NOS1: variants seen among roughly 807,000 people sequenced by gnomAD.
NOS1 encodes the protein nitric oxide synthase 1.
NOS1 carries 51 observed loss-of-function variants against 164.5 expected under a neutral mutation model. The ratio of observed to expected loss-of-function variants is 0.31; its 90% CI spans 0.25 to 0.39. NOS1 has a LOEUF of 0.39. NOS1 is among the 10% of genes least tolerant of loss of function. NOS1 has a pLI of 1.00. For synonymous variants in NOS1, 719 were observed against 745.8 expected, an observed-to-expected ratio of 0.96 and a Z score of 0.59; for missense variants, 1,362 against 1,885.6, an observed-to-expected ratio of 0.72 and a Z score of 5.14.
intron 17 of NOS1, among the ~76,000 whole-genome samples, 168 bp downstream of exon 17, chr12:117,253,470 T>C (rs1871234547): frequency 6.6e-6 from 1 of 151,874 alleles, no homozygotes; most frequent in African/African-American, 2.4e-5. Context: ...GACCAGGCAA[T>C]GTGACTTAAT....
intron 22 of NOS1, among the ~76,000 whole-genome samples, chr12:117,229,562 TTCTATCTATCTATCTATCTATCTA>T (rs58234141): frequency 1.7e-4 from 25 of 149,402 alleles, no homozygotes; most frequent in African/African-American, 5.5e-4. Flanking sequence ...TATCAAATTC[TTCTATCTATCTATCTATCTATCTA>T]TCTATCTATC....
At chr12:117,351,411 G>T (rs1414632995) in intron 1 of NOS1, among the ~76,000 whole-genome samples, 3 of 152,158 alleles carry the variant, frequency 2.0e-5, no homozygotes, top group South Asian at 2.1e-4. Flanking sequence ...TGCTGCCCTG[G>T]TTGCTAGTCC....
rs201418346 is a variant in NOS1, at chr12:117,231,944, C to A, written c.3405+18G>T. The A allele has an allele frequency of 6.2e-6, 10 of 1,605,410 alleles. No homozygotes were observed. In the South Asian group the frequency reaches 1.0e-4, roughly 16 times the overall value. On this transcript the variant is annotated intron_variant, in intron 22 of 28. Coordinates refer to ENST00000317775, the MANE Select transcript of NOS1 (RefSeq NM_000620.5). ...GTGAAATGCGCCCCCTAGGGTTGTG[C>A]GAAGCCTGGGGACCCACCTTGCTGA... is the stretch of plus-strand genomic sequence containing the variant.
chr12:117,333,638 G>C (rs542752207), intron 1 of NOS1, among the ~76,000 whole-genome samples: 1 of 152,156 alleles, frequency 6.6e-6, no homozygotes. Flanking sequence ...ATGAATCCCC[G>C]GGCTCAGCCT....
chr12:117,293,352 G>T (rs541178221), intron 3 of NOS1, among the ~76,000 whole-genome samples: 1 of 152,056 alleles, frequency 6.6e-6, no homozygotes, highest in Non-Finnish European at 1.5e-5. Flanking sequence ...GACAAGCCAC[G>T]GGTGGGAGCT....
intron 14 of NOS1, 89 bp from the exon 15 acceptor site, chr12:117,259,219 G>A (rs1432512803): frequency 2.4e-6 from 2 of 837,920 alleles, no homozygotes; most frequent in South Asian, 1.6e-5. Flanking sequence ...AGTGATGGGG[G>A]AAGGGCAAGA....
In NOS1 at chr12:117,247,577, G is replaced by A. The variant is rs1566038234; in HGVS notation, c.2649-55C>T. On this transcript the variant is annotated intron_variant, in intron 17 of 28. Coordinates refer to ENST00000317775, the MANE Select transcript of NOS1 (RefSeq NM_000620.5). Reference sequence around the variant, plus strand: ...TAAGGGACTGTGGGGAATGTGGGGAGTGTCTGGTGTAATGGGCTAAACTGT... The same window carrying A: ...TAAGGGACTGTGGGGAATGTGGGGAATGTCTGGTGTAATGGGCTAAACTGT... The A allele has an allele frequency of 4.0e-6, 6 of 1,509,958 alleles. No homozygotes were observed. In the Admixed American group the frequency reaches 8.1e-5, roughly 20 times the overall value. 93.5% of individuals were successfully genotyped at this position (1,509,958 alleles called of 1,614,324 possible).
intron 10 of NOS1, among the ~76,000 whole-genome samples, chr12:117,269,460 ATTTGTTTTTTT>A (rs1045710330): frequency 9.1e-6 from 1 of 110,048 alleles, no homozygotes; most frequent in Non-Finnish European, 1.7e-5. Context: ...ATCTCTGGAG[ATTTGTTTTTTT>A]TTTTTTTTTT....
intron 16 of NOS1, chr12:117,255,881 G>T: frequency 9.3e-7 from 1 of 1,079,060 alleles, no homozygotes; most frequent in Non-Finnish European, 1.3e-6. Context: ...CTCAGGCATT[G>T]GGTGTGCATG....
rs60147700 is a variant in NOS1, at chr12:117,291,680, C to T, written c.853-1254G>A. 6.6e-3 allele frequency among the ~76,000 whole-genome samples: 1,010 copies of T among 151,978 alleles called. 69 individuals carry two copies. In the East Asian group the frequency reaches 0.17, roughly 25 times the overall value. The stretch of plus-strand genomic sequence containing the variant: ...TCCCAAGTAGCTGGGACTACAGGTG[C>T]GTGTCACCATGCCCAGCTAATTTCT... On this transcript the variant is annotated intron_variant, in intron 3 of 28. Transcript: ENST00000317775.
intron 3 of NOS1, among the ~76,000 whole-genome samples, chr12:117,297,452 T>TGC (rs1457940766): frequency 6.6e-6 from 1 of 151,854 alleles, no homozygotes; most frequent in Non-Finnish European, 1.5e-5. Context: ...AGTGCAATGG[T>TGC]GCGATCTCAG....
At chr12:117,262,653 T>C (rs1336006045) in intron 13 of NOS1, among the ~76,000 whole-genome samples, 2 of 152,152 alleles carry the variant, frequency 1.3e-5, no homozygotes, top group Admixed American at 1.3e-4. Flanking sequence ...GTACAACTAG[T>C]TATCATACAT....
At chr12:117,278,843 CAT>C (rs1302411949) in intron 8 of NOS1, among the ~76,000 whole-genome samples, 2 of 149,050 alleles carry the variant, frequency 1.3e-5, no homozygotes, top group Admixed American at 1.3e-4. Context: ...ATATTACTAT[CAT>C]ATATTCTAAT....
chr12:117,280,570 T>C (rs1344494270), intron 8 of NOS1, among the ~76,000 whole-genome samples, 155 bp downstream of exon 8: 2 of 152,146 alleles, frequency 1.3e-5, no homozygotes, highest in Non-Finnish European at 2.9e-5. Flanking sequence ...AAGAATTAGA[T>C]TGGGGAACAG....
chr12:117,326,390 A>AC (rs1432629660), intron 2 of NOS1, among the ~76,000 whole-genome samples: 12 of 140,208 alleles, frequency 8.6e-5, no homozygotes, highest in African/African-American at 3.5e-4. Flanking sequence ...TGTCTCAAAA[A>AC]AAAAAAAAAA....
intron 13 of NOS1, among the ~76,000 whole-genome samples, 165 bp from the exon 14 acceptor site, chr12:117,260,774 T>C (rs1055831449): frequency 2.6e-5 from 4 of 152,214 alleles, no homozygotes; most frequent in Non-Finnish European, 5.9e-5. Flanking sequence ...TTGAAGTCTT[T>C]GTGTTTAAGC....
At chr12:117,345,045 T>C (rs1342661804) in intron 1 of NOS1, among the ~76,000 whole-genome samples, 4 of 150,936 alleles carry the variant, frequency 2.7e-5, no homozygotes, top group African/African-American at 9.7e-5. Flanking sequence ...TTTTTTTTTT[T>C]TTTTTTGGCA....
chr12:117,302,249 A>G (rs558398575), intron 3 of NOS1, among the ~76,000 whole-genome samples: 1 of 152,308 alleles, frequency 6.6e-6, no homozygotes, highest in East Asian at 1.9e-4. Flanking sequence ...CCACAACTTG[A>G]TGAGCCTATT....
At chr12:117,282,980 C>G (rs1254041466) in intron 7 of NOS1, among the ~76,000 whole-genome samples, 1 of 151,060 alleles carries the variant, frequency 6.6e-6, no homozygotes, top group Non-Finnish European at 1.5e-5. Context: ...TGCATCTCTC[C>G]CTCTCTTCTT....
Sources: gnomAD v4.1 joint callset for allele counts (sites outside exome capture counted in the v4.1 genomes callset) on GRCh38, gnomAD v4.1.1 for gene constraint, MANE v1.5 for transcripts, NCBI Gene and HGNC (gene_info 2026-07-23, HGNC 2026-07-21) for gene names.